Variants in IQSEC1 observed in about 807,000 individuals in gnomAD.
The protein encoded by IQSEC1 is IQ motif and Sec7 domain ArfGEF 1, also known as IQ motif and SEC7 domain-containing protein 1.
IQSEC1 carries 31 observed loss-of-function variants against 91.0 expected under a neutral mutation model. The ratio of observed to expected loss-of-function variants is 0.34; its 90% CI spans 0.26 to 0.46. The LOEUF is 0.46. IQSEC1 is among the 20% of genes least tolerant of loss of function. The pLI, the probability that IQSEC1 is intolerant of heterozygous loss-of-function variation, is 1.00. For missense variants in IQSEC1, 1,388 were observed against 1,575.6 expected, an observed-to-expected ratio of 0.88 and a Z score of 2.02; for synonymous variants, 699 against 662.6, an observed-to-expected ratio of 1.05 and a Z score of -0.84.
intron 2 of IQSEC1, among the ~76,000 whole-genome samples, chr3:13,086,752 C>T (rs1705742286): frequency 6.6e-6 from 1 of 152,220 alleles, no homozygotes; most frequent in Admixed American, 6.5e-5. Flanking sequence ...TTAGCAATCA[C>T]CTGCAAGGGA....
Position 13,147,083 on chromosome 3 carries a change from G to A in IQSEC1, c.302+17021C>T, listed in dbSNP as rs568626001. Among the ~76,000 whole-genome samples the A allele has an allele frequency of 2.1e-3, 321 of 152,344 alleles. 2 individuals carry two copies. Among genetic ancestry groups the A allele is most frequent in the African/African-American group, 7.4e-3 (306 of 41,586 alleles). ...TGGTACCTCCCTCTGCAGGTTGGAA[G>A]GTAATGGCAGGAGAGCCCAGGGGCT... On this transcript the variant is annotated intron_variant, in intron 2 of 15. Transcript: ENST00000648114.
chr3:12,919,060 A>G (rs1348116462), intron 6 of IQSEC1, among the ~76,000 whole-genome samples: 1 of 151,842 alleles, frequency 6.6e-6, no homozygotes, highest in East Asian at 1.9e-4. Context: ...GCTTGGCCCC[A>G]TGAGAAGGGA....
chr3:12,961,088 G>A (rs1045463994), intron 1 of IQSEC1, among the ~76,000 whole-genome samples: 1 of 152,254 alleles, frequency 6.6e-6, no homozygotes, highest in African/African-American at 2.4e-5. Flanking sequence ...CAGAGCAGCA[G>A]AACCAGGGAC....
Position 13,135,966 on chromosome 3 carries a change from C to T in IQSEC1, c.302+28138G>A, listed in dbSNP as rs567958245. ...GCCCCAGGACTCCCAGTTAGACCCTCGTGCGGGACTCTGCTGCGTGGGACA... is the reference window on the plus strand; with the variant it reads ...GCCCCAGGACTCCCAGTTAGACCCTTGTGCGGGACTCTGCTGCGTGGGACA... On this transcript the variant is annotated intron_variant, in intron 2 of 15. Coordinates refer to the IQSEC1 transcript ENST00000648114. Among the ~76,000 whole-genome samples, 10 of 152,326 alleles carry T rather than the reference C, an allele frequency of 6.6e-5. No homozygotes were observed. The East Asian group carries it at 1.2e-3, about 18-fold the overall frequency.
At chr3:13,022,419 G>A (rs1052781603) in intron 1 of IQSEC1, 20 of 1,065,596 alleles carry the variant, frequency 1.9e-5, no homozygotes, top group Admixed American at 1.6e-4. Context: ...ACAACCTTGC[G>A]CCTGCCTCCT....
At chr3:13,175,599 T>C (rs1693710955) in intron 1 of IQSEC1, among the ~76,000 whole-genome samples, 1 of 152,268 alleles carries the variant, frequency 6.6e-6, no homozygotes, top group South Asian at 2.1e-4. Context: ...CTGGACTTAA[T>C]GATTTGCTTC....
At chr3:13,110,372 C>T (rs956926437) in intron 2 of IQSEC1, among the ~76,000 whole-genome samples, 13 of 151,804 alleles carry the variant, frequency 8.6e-5, no homozygotes, top group South Asian at 2.1e-4. Flanking sequence ...GGGAGGATCA[C>T]GAGGTCAGGA....
At chr3:13,199,463 G>T (rs189260238) in intron 1 of IQSEC1, among the ~76,000 whole-genome samples, 1 of 152,128 alleles carries the variant, frequency 6.6e-6, no homozygotes, top group Non-Finnish European at 1.5e-5. Context: ...TGGGCAGCTC[G>T]CACAGGACTG....
At chr3:13,014,896 G>A (rs759386923) in intron 1 of IQSEC1, among the ~76,000 whole-genome samples, 1 of 152,178 alleles carries the variant, frequency 6.6e-6, no homozygotes, top group Non-Finnish European at 1.5e-5. Context: ...GCTCCTGGGG[G>A]GACACATACT....
chr3:13,039,572 T>C (rs1704175068), intron 1 of IQSEC1, among the ~76,000 whole-genome samples: 1 of 152,246 alleles, frequency 6.6e-6, no homozygotes, highest in Admixed American at 6.5e-5. Context: ...GCAAAGCCTC[T>C]ACTAAGTGCT....
chr3:13,050,580 CAT>C (rs1559741513), intron 1 of IQSEC1, among the ~76,000 whole-genome samples: 2 of 152,262 alleles, frequency 1.3e-5, no homozygotes, highest in African/African-American at 4.8e-5. Context: ...AAGGTTAACA[CAT>C]GAGTTCTAGA....
chr3:13,095,667 T>G (rs971783681), intron 2 of IQSEC1, among the ~76,000 whole-genome samples: 12 of 152,100 alleles, frequency 7.9e-5, no homozygotes, highest in African/African-American at 2.4e-4. Flanking sequence ...TTTTAGGAAC[T>G]GGCGCTTGTA....
intron 1 of IQSEC1, among the ~76,000 whole-genome samples, chr3:13,036,572 G>C (rs1055810102): frequency 1.3e-5 from 2 of 152,184 alleles, no homozygotes; most frequent in Admixed American, 1.3e-4. Context: ...GCCCCCTGTA[G>C]AGCCACTCCT....
upstream of IQSEC1, among the ~76,000 whole-genome samples, chr3:13,078,021 A>G (rs576693528): frequency 9.8e-5 from 15 of 152,294 alleles, no homozygotes; most frequent in Admixed American, 3.9e-4. Flanking sequence ...GCCGTGGCCA[A>G]TGGAGCCTGC....
At chr3:13,150,191 T>C (rs1200937008) in intron 2 of IQSEC1, among the ~76,000 whole-genome samples, 2 of 152,316 alleles carry the variant, frequency 1.3e-5, no homozygotes, top group Admixed American at 6.5e-5. Flanking sequence ...AAGTTTAATA[T>C]TTTAATACAT....
intron 1 of IQSEC1, among the ~76,000 whole-genome samples, chr3:13,196,419 G>A (rs563329574): frequency 1.3e-5 from 2 of 152,360 alleles, no homozygotes; most frequent in South Asian, 2.1e-4. Context: ...ACTAAGGTTT[G>A]GCAAGCTTTG....
intron 1 of IQSEC1, among the ~76,000 whole-genome samples, chr3:13,059,637 A>G (rs1704996408): frequency 6.6e-6 from 1 of 152,128 alleles, no homozygotes; most frequent in African/African-American, 2.4e-5. Context: ...CTGTAGTCCA[A>G]CTACTTGGGA....
rs1423880892 is a variant in IQSEC1, at chr3:12,924,850, C to A, written c.1569-108G>T. 5.8e-6 allele frequency: 6 copies of A among 1,035,560 alleles called. No individual in the cohort carries two copies. The highest frequency in any genetic ancestry group is 8.3e-6 in the Non-Finnish European group (6 of 725,610). The allele number at this position is 1,035,560 out of a possible 1,614,324, so 64.1% of individuals were successfully genotyped here. ...GGTCGACATTCTCCCTCCCTGCCCACCTGCACCGGCCTTCATCCCTGTAGG... is the reference window on the plus strand; with the variant it reads ...GGTCGACATTCTCCCTCCCTGCCCAACTGCACCGGCCTTCATCCCTGTAGG... On this transcript the variant is annotated intron_variant, in intron 3 of 13. Coordinates refer to ENST00000613206, the MANE Select transcript of IQSEC1 (RefSeq NM_001134382.3). This position sits in a 1 kb window ranked among gnomAD's most constrained non-coding sequence, Gnocchi z 6.3.
At chr3:13,233,277 C>T (rs1483215117) in intron 1 of IQSEC1, among the ~76,000 whole-genome samples, 1 of 152,162 alleles carries the variant, frequency 6.6e-6, no homozygotes, top group Non-Finnish European at 1.5e-5. Context: ...ACCCCAGGGA[C>T]CAGATGCAAG....
Sources: allele counts gnomAD v4.1 joint callset (sites outside exome capture counted in the v4.1 genomes callset), GRCh38; gene constraint gnomAD v4.1.1; non-coding constraint Gnocchi (gnomAD v3.1); transcripts MANE v1.5; gene names NCBI Gene and HGNC (gene_info 2026-07-23, HGNC 2026-07-21).